NAPEPLD: variants seen among roughly 807,000 people sequenced by gnomAD.
NAPEPLD encodes N-acyl phosphatidylethanolamine phospholipase D, also known as N-acyl-phosphatidylethanolamine-hydrolyzing phospholipase D.
Under a neutral mutation model 38.1 loss-of-function variants are expected in NAPEPLD, and 23 were observed. That is an observed-to-expected ratio of 0.60 (90% CI 0.43 to 0.86). The LOEUF (loss-of-function observed/expected upper bound fraction) is 0.86, where lower values mean the gene tolerates loss of function less well. Among genes scored for constraint, NAPEPLD ranks in the 40% least tolerant of loss-of-function variants. NAPEPLD has a pLI of 0.00. For missense variants in NAPEPLD, 411 were observed against 476.8 expected, an observed-to-expected ratio of 0.86 and a Z score of 1.28; for synonymous variants, 147 against 162.0, an observed-to-expected ratio of 0.91 and a Z score of 0.71.
chr7:103,108,502 C>T (rs986427690), intron 4 of NAPEPLD, among the ~76,000 whole-genome samples: 10 of 152,098 alleles, frequency 6.6e-5, no homozygotes, highest in East Asian at 3.8e-4. Context: ...AGCTTCAAAG[C>T]GAAGGTGAAA....
intron 1 of NAPEPLD, among the ~76,000 whole-genome samples, chr7:103,136,725 G>A (rs553529448): frequency 2.6e-5 from 4 of 151,966 alleles, no homozygotes; most frequent in East Asian, 1.9e-4. Context: ...CTAAGTTACT[G>A]AATTTTTTTC....
intron 2 of NAPEPLD, among the ~76,000 whole-genome samples, chr7:103,125,464 A>G (rs1301177392): frequency 6.6e-6 from 1 of 152,226 alleles, no homozygotes; most frequent in Non-Finnish European, 1.5e-5. Context: ...TATGATCTGT[A>G]CTTGTAGTTC....
intron 2 of NAPEPLD, among the ~76,000 whole-genome samples, chr7:103,121,847 A>T: frequency 6.6e-6 from 1 of 152,172 alleles, no homozygotes; most frequent in East Asian, 1.9e-4. Context: ...TAGCCTGATA[A>T]GAAGGAATGA....
intron 2 of NAPEPLD, among the ~76,000 whole-genome samples, chr7:103,125,140 C>T (rs1264943993): frequency 6.6e-6 from 1 of 152,184 alleles, no homozygotes; most frequent in Admixed American, 6.5e-5. Context: ...GAAAACTTTA[C>T]TACCTATACT....
At position 103,148,873 on chromosome 7, in the gene NAPEPLD, C is replaced by T; in HGVS notation, c.-79G>A. 1.0e-6 allele frequency: 1 copy of T among 985,400 alleles called. No homozygotes were observed. Among genetic ancestry groups the T allele is most frequent in the Non-Finnish European group, 1.2e-6 (1 of 829,926 alleles). 61.0% of individuals were successfully genotyped at this position (985,400 alleles called of 1,614,324 possible). A position where few individuals can be genotyped will look rare whatever the true frequency, so the allele number is the denominator to read the frequency against. ...GCAGGGAAGATAGGATCTCAAATCCCAGACAGCTACTCTCCCAAAGAGAAA... is the reference window on the plus strand; with the variant it reads ...GCAGGGAAGATAGGATCTCAAATCCTAGACAGCTACTCTCCCAAAGAGAAA... On this transcript the variant is annotated 5_prime_UTR_variant, in exon 1 of 5. Coordinates refer to ENST00000465647, the MANE Select transcript of NAPEPLD (RefSeq NM_001122838.3).
intron 4 of NAPEPLD, among the ~76,000 whole-genome samples, chr7:103,107,920 G>A (rs1803715499): frequency 6.6e-6 from 1 of 152,108 alleles, no homozygotes; most frequent in Non-Finnish European, 1.5e-5. Flanking sequence ...TACTCCTCAA[G>A]AAGAGCAACC....
At chr7:103,141,229 C>G (rs1203482041) in intron 1 of NAPEPLD, 3 of 468,732 alleles carry the variant, frequency 6.4e-6, no homozygotes, top group Non-Finnish European at 1.1e-5. Context: ...ATCAGAATTA[C>G]CTGTGGAGTT....
chr7:103,145,487 C>G (rs1812349553), intron 1 of NAPEPLD, among the ~76,000 whole-genome samples: 1 of 152,214 alleles, frequency 6.6e-6, no homozygotes, highest in Admixed American at 6.5e-5. Flanking sequence ...TATTTCATAT[C>G]TGTGAAATGG....
intron 1 of NAPEPLD, among the ~76,000 whole-genome samples, chr7:103,137,205 G>C (rs568753841): frequency 2.0e-5 from 3 of 152,310 alleles, no homozygotes; most frequent in African/African-American, 7.2e-5. Context: ...CCAAAGTGCT[G>C]GGGATCACAG....
chr7:103,127,639 G>C (rs977509660), intron 2 of NAPEPLD: 1 of 152,092 alleles, frequency 6.6e-6, no homozygotes. Flanking sequence ...ACGACCACCT[G>C]AGAGTCTTTC....
At chr7:103,143,937 C>T (rs558188446) in intron 1 of NAPEPLD, among the ~76,000 whole-genome samples, 1 of 152,322 alleles carries the variant, frequency 6.6e-6, no homozygotes, top group African/African-American at 2.4e-5. Context: ...CCTGCCTTGA[C>T]CTCCTAAAGT....
At chr7:103,104,941 C>T (rs1047120318) in intron 4 of NAPEPLD, among the ~76,000 whole-genome samples, 4 of 152,142 alleles carry the variant, frequency 2.6e-5, no homozygotes, top group Non-Finnish European at 2.9e-5. Context: ...AATCACCCTA[C>T]GTCAGTAACT....
intron 1 of NAPEPLD, among the ~76,000 whole-genome samples, chr7:103,134,342 T>G (rs1013354779): frequency 6.6e-6 from 1 of 152,196 alleles, no homozygotes. Context: ...GACAATTGTA[T>G]TTTAAATATA....
At chr7:103,120,333 A>C in intron 2 of NAPEPLD, 110 bp from the exon 3 acceptor site, 1 of 1,143,176 alleles carries the variant, frequency 8.7e-7, no homozygotes, top group Non-Finnish European at 1.2e-6. Flanking sequence ...TTTTAAGAGA[A>C]CTAAAGTCAT....
At chr7:103,141,427 C>G in intron 1 of NAPEPLD, 1 of 885,044 alleles carries the variant, frequency 1.1e-6, no homozygotes, top group South Asian at 1.3e-5. Context: ...CTTCATAGCT[C>G]TTGTGTGCTT....
intron 1 of NAPEPLD, among the ~76,000 whole-genome samples, chr7:103,133,028 A>G (rs1369126050): frequency 2.0e-5 from 3 of 152,160 alleles, no homozygotes; most frequent in Non-Finnish European, 4.4e-5. Context: ...GTTTTCAGAA[A>G]TGCTCTTTAA....
rs1417169582 is a variant in NAPEPLD at position 103,125,797 on chromosome 7, G to GAATC, written c.294+2682_294+2685dup. Among the ~76,000 whole-genome samples the GAATC allele has an allele frequency of 2.0e-5, 3 of 152,126 alleles. No homozygotes were observed. The South Asian group carries it at 6.2e-4, about 32-fold the overall frequency. On this transcript the variant is annotated intron_variant, in intron 2 of 4. Transcript: ENST00000465647. ...AGCTACTCACAAGGCTGAGGCAGAAGAATCACTTGAACCCGGGAGGCAGAG... is the reference window on the plus strand; with the variant it reads ...AGCTACTCACAAGGCTGAGGCAGAAGAATCAATCACTTGAACCCGGGAGGCAGAG...
chr7:103,141,249 T>G (rs1329105525), intron 1 of NAPEPLD: 6 of 269,470 alleles, frequency 2.2e-5, no homozygotes, highest in East Asian at 1.6e-4. Flanking sequence ...TGTTTTTTTT[T>G]TTTTTTTTTT....
intron 4 of NAPEPLD, among the ~76,000 whole-genome samples, chr7:103,112,752 T>TAA (rs58608506): frequency 4.9e-5 from 7 of 142,212 alleles, no homozygotes; most frequent in African/African-American, 1.8e-4. Flanking sequence ...TAAAGTATAA[T>TAA]AAAAAAAAAA....
Sources: gnomAD v4.1 joint callset for allele counts (sites outside exome capture counted in the v4.1 genomes callset) on GRCh38, gnomAD v4.1.1 for gene constraint, MANE v1.5 for transcripts, NCBI Gene and HGNC (gene_info 2026-07-23, HGNC 2026-07-21) for gene names.